CLXN: variants seen among roughly 807,000 people sequenced by gnomAD.
The protein encoded by CLXN is calaxin.
chr8:48,719,164 A>G, the CLXN span, among the ~76,000 whole-genome samples: 1 of 152,150 alleles, frequency 6.6e-6, no homozygotes, highest in African/African-American at 2.4e-5. Flanking sequence ...CCCAAATTGG[A>G]TAACAGAAGA....
the CLXN span, among the ~76,000 whole-genome samples, chr8:48,720,003 T>C: frequency 1.3e-5 from 2 of 152,188 alleles, no homozygotes; most frequent in African/African-American, 4.8e-5. Context: ...GGAACATAAA[T>C]TGTGAAGATT....
At chr8:48,713,354 G>T in the CLXN span, among the ~76,000 whole-genome samples, 2 of 152,118 alleles carry the variant, frequency 1.3e-5, no homozygotes, top group African/African-American at 2.4e-5. Context: ...GGTTGCACTT[G>T]ATGAGAACTA....
the CLXN span, chr8:48,724,328 A>G: frequency 6.5e-6 from 1 of 154,660 alleles, no homozygotes; most frequent in Non-Finnish European, 1.4e-5. Flanking sequence ...TGCCATCTTC[A>G]TTATTTGTTT....
At chr8:48,731,476 A>G in the CLXN span, 5 of 1,611,546 alleles carry the variant, frequency 3.1e-6, no homozygotes, top group Admixed American at 6.7e-5. Context: ...AAAAAGCTTT[A>G]TAAGACAGTT....
chr8:48,721,667 C>A, the CLXN span, among the ~76,000 whole-genome samples: 1 of 152,194 alleles, frequency 6.6e-6, no homozygotes, highest in South Asian at 2.1e-4. Flanking sequence ...GTCAACTGAT[C>A]TTCCACAAAG....
the CLXN span, among the ~76,000 whole-genome samples, chr8:48,726,603 A>T: frequency 6.9e-6 from 1 of 144,396 alleles, no homozygotes; most frequent in African/African-American, 2.6e-5. Flanking sequence ...CCACCCACTC[A>T]TCTTTTTATC....
chr8:48,727,321 G>A, the CLXN span, among the ~76,000 whole-genome samples: 1 of 152,118 alleles, frequency 6.6e-6, no homozygotes, highest in South Asian at 2.1e-4. Flanking sequence ...GTGAAACAAA[G>A]ACTAAGTTCC....
the CLXN span, chr8:48,729,813 A>T: frequency 6.2e-7 from 1 of 1,613,340 alleles, no homozygotes; most frequent in African/African-American, 1.3e-5. Flanking sequence ...TCAACATGTG[A>T]AACATTTCCT....
chr8:48,726,476 C>CCATCCATT, the CLXN span, among the ~76,000 whole-genome samples: 1 of 145,932 alleles, frequency 6.9e-6, no homozygotes, highest in African/African-American at 2.6e-5. Flanking sequence ...TCCATCTCAT[C>CCATCCATT]CATCCATTCA....
the CLXN span, chr8:48,712,434 G>A: frequency 6.6e-6 from 1 of 152,312 alleles, no homozygotes; most frequent in Non-Finnish European, 1.5e-5. Context: ...GCCTAGCTGG[G>A]ACCACATAAT....
the CLXN span, chr8:48,715,645 A>T: frequency 6.6e-6 from 1 of 152,310 alleles, no homozygotes; most frequent in African/African-American, 2.4e-5. Context: ...CACAGTCTTC[A>T]CTGATGCTGA....
At chr8:48,730,476 G>A in the CLXN span, 1 of 1,126,226 alleles carries the variant, frequency 8.9e-7, no homozygotes, top group Non-Finnish European at 1.3e-6. Context: ...GAAAGACACT[G>A]ATTTAAGTGC....
chr8:48,718,001 A>C, the CLXN span, among the ~76,000 whole-genome samples: 1 of 152,208 alleles, frequency 6.6e-6, no homozygotes, highest in Non-Finnish European at 1.5e-5. Context: ...GGTTGCTTTA[A>C]ATGATTATAG....
chr8:48,729,821 C>T, the CLXN span: 1 of 1,613,274 alleles, frequency 6.2e-7, no homozygotes, highest in Non-Finnish European at 8.5e-7. Context: ...TGAAACATTT[C>T]CTCCTTTGAA....
the CLXN span, chr8:48,724,597 A>G: frequency 6.9e-6 from 4 of 580,262 alleles, no homozygotes; most frequent in Non-Finnish European, 1.2e-5. Context: ...TCTTACACTG[A>G]TGTTAAATGA....
the CLXN span, among the ~76,000 whole-genome samples, chr8:48,727,963 G>A: frequency 6.6e-6 from 1 of 152,168 alleles, no homozygotes; most frequent in Non-Finnish European, 1.5e-5. Flanking sequence ...GGCGTATGTG[G>A]TTGCCACTTA....
At chr8:48,715,249 A>C in the CLXN span, 1 of 152,212 alleles carries the variant, frequency 6.6e-6, no homozygotes, top group African/African-American at 2.4e-5. Flanking sequence ...AATTAGTTAA[A>C]ATATTAAAAG....
the CLXN span, among the ~76,000 whole-genome samples, chr8:48,718,117 G>C: frequency 1.6e-4 from 24 of 152,220 alleles, no homozygotes; most frequent in African/African-American, 5.5e-4. Flanking sequence ...GGCACATATA[G>C]GAGGAAAGTT....
chr8:48,721,623 C>T, the CLXN span, among the ~76,000 whole-genome samples: 1 of 152,108 alleles, frequency 6.6e-6, no homozygotes, highest in Non-Finnish European at 1.5e-5. Context: ...CAATGGAACA[C>T]AAGACAGGCC....
Sources: allele counts gnomAD v4.1 joint callset (sites outside exome capture counted in the v4.1 genomes callset), GRCh38; gene constraint gnomAD v4.1.1; transcripts MANE v1.5; gene names NCBI Gene and HGNC (gene_info 2026-07-23, HGNC 2026-07-21).